Variants in GMDS observed in about 807,000 individuals in gnomAD.
GMDS encodes GDP-mannose 4,6-dehydratase.
A neutral mutation model predicts 49.9 loss-of-function variants in GMDS; 20 were observed. The ratio of observed to expected loss-of-function variants is 0.40; its 90% CI spans 0.28 to 0.58. The LOEUF (loss-of-function observed/expected upper bound fraction) is 0.58. Ranked by LOEUF, GMDS falls within the 20% of genes least tolerant of loss-of-function variation. GMDS has a pLI of 0.42. For synonymous variants in GMDS, 177 were observed against 178.6 expected (o/e 0.99, Z 0.07); for missense variants, 362 against 481.4 (o/e 0.75, Z 2.32).
At chr6:2,142,410 T>C (rs1406802147) in intron 1 of GMDS, among the ~76,000 whole-genome samples, 1 of 151,776 alleles carries the variant, frequency 6.6e-6, no homozygotes, top group African/African-American at 2.4e-5. Flanking sequence ...ATGAGTGGTG[T>C]CCTTATTTAA....
intron 4 of GMDS, among the ~76,000 whole-genome samples, chr6:2,083,768 A>G (rs1772850276): frequency 6.6e-6 from 1 of 152,182 alleles, no homozygotes; most frequent in African/African-American, 2.4e-5. Flanking sequence ...ATCATCAACT[A>G]ATCTGCAAAT....
At chr6:1,743,841 A>AC (rs56140356) in intron 7 of GMDS, among the ~76,000 whole-genome samples, 2 of 31,628 alleles carry the variant, frequency 6.3e-5, no homozygotes, top group African/African-American at 4.6e-4. Context: ...GAAGCAAAAC[A>AC]AAAAAAAATC....
intron 7 of GMDS, among the ~76,000 whole-genome samples, chr6:1,782,498 A>C (rs1769140206): frequency 6.6e-6 from 1 of 152,242 alleles, no homozygotes; most frequent in Non-Finnish European, 1.5e-5. Context: ...CTTTGTTAGG[A>C]CTAATAAAAA....
intron 4 of GMDS, among the ~76,000 whole-genome samples, chr6:2,064,117 A>G (rs1193676312): frequency 1.3e-5 from 2 of 152,216 alleles, no homozygotes; most frequent in Non-Finnish European, 2.9e-5. Flanking sequence ...AAGGCACCCA[A>G]TAAAACGGCT....
chr6:1,885,638 T>G (rs1238241513), intron 7 of GMDS, among the ~76,000 whole-genome samples: 1 of 152,180 alleles, frequency 6.6e-6, no homozygotes, highest in African/African-American at 2.4e-5. Flanking sequence ...GCCTAAGTAT[T>G]AGAGGGCAGA....
intron 7 of GMDS, among the ~76,000 whole-genome samples, chr6:1,865,716 G>GCTC (rs1758410767): frequency 6.6e-6 from 1 of 152,152 alleles, no homozygotes; most frequent in African/African-American, 2.4e-5. Flanking sequence ...TTGAACCTGG[G>GCTC]CTCCACCAGT....
intron 7 of GMDS, among the ~76,000 whole-genome samples, chr6:1,855,785 AC>A (rs1469148849): frequency 6.6e-6 from 1 of 152,224 alleles, no homozygotes; most frequent in African/African-American, 2.4e-5. Context: ...GGAAATGGAA[AC>A]ATTTGAAAAT....
intron 8 of GMDS, 75 bp from the exon 9 acceptor site, chr6:1,726,587 GC>G: frequency 1.9e-6 from 2 of 1,035,136 alleles, no homozygotes; most frequent in Non-Finnish European, 1.5e-6. Context: ...ACCTTGGGAT[GC>G]CCCAGCCCTC....
At chr6:1,761,660 CT>C (rs1368660951) in intron 7 of GMDS, among the ~76,000 whole-genome samples, 1 of 152,016 alleles carries the variant, frequency 6.6e-6, no homozygotes, top group East Asian at 1.9e-4. Context: ...ATTTTTTTTG[CT>C]TGTGTCAATG....
chr6:2,099,826 G>C (rs1773822990), intron 4 of GMDS, among the ~76,000 whole-genome samples: 1 of 151,896 alleles, frequency 6.6e-6, no homozygotes, highest in South Asian at 2.1e-4. Context: ...TCTGACAATT[G>C]TTTCTCCCAA....
At chr6:2,112,330 C>T (rs1348055657) in intron 4 of GMDS, among the ~76,000 whole-genome samples, 1 of 152,104 alleles carries the variant, frequency 6.6e-6, no homozygotes, top group African/African-American at 2.4e-5. Context: ...GATTATTTTA[C>T]ATCAAACTCA....
intron 1 of GMDS, among the ~76,000 whole-genome samples, chr6:2,229,938 C>T (rs546952504): frequency 7.2e-5 from 11 of 152,294 alleles, no homozygotes; most frequent in African/African-American, 2.6e-4. Flanking sequence ...AAGCAGCTTC[C>T]ACCTCCACAT....
In GMDS at chr6:1,828,265, A is replaced by C. The variant is rs568071778; in HGVS notation, c.772-85679T>G. Among the ~76,000 whole-genome samples the C allele has an allele frequency of 2.6e-5, 4 of 152,254 alleles. No individual in the cohort carries two copies. In the South Asian group the frequency reaches 8.3e-4, roughly 32 times the overall value. On this transcript the variant is annotated intron_variant, in intron 7 of 10. Transcript: ENST00000380815. ...ACAGAAAGAAGAATGAATGAAAATG[A>C]ATGAAAAAAAGTGAACAGCGCCTAA...
At chr6:2,127,573 G>C (rs980299387) in intron 1 of GMDS, among the ~76,000 whole-genome samples, 1 of 152,206 alleles carries the variant, frequency 6.6e-6, no homozygotes, top group Non-Finnish European at 1.5e-5. Context: ...AACCACACTG[G>C]AACATTCTGA....
intron 4 of GMDS, among the ~76,000 whole-genome samples, chr6:2,037,370 C>T (rs1205624879): frequency 6.6e-6 from 1 of 152,174 alleles, no homozygotes; most frequent in Non-Finnish European, 1.5e-5. Context: ...AAACCATTCC[C>T]ACTGAAGTAC....
chr6:2,076,844 C>T (rs935010223), intron 4 of GMDS, among the ~76,000 whole-genome samples: 8 of 152,032 alleles, frequency 5.3e-5, no homozygotes, highest in Admixed American at 1.3e-4. Context: ...TCAGGACATA[C>T]GCATGGGCAA....
intron 7 of GMDS, among the ~76,000 whole-genome samples, chr6:1,757,791 C>T (rs76407725): frequency 0.016 from 2,388 of 152,236 alleles, 25 homozygotes; most frequent in Non-Finnish European, 0.026. Flanking sequence ...AACAGCACTG[C>T]CCAATAGAAA....
intron 6 of GMDS, among the ~76,000 whole-genome samples, chr6:1,958,247 G>A (rs552204671): frequency 6.6e-6 from 1 of 151,856 alleles, no homozygotes; most frequent in South Asian, 2.1e-4. Flanking sequence ...TTGCAACCCA[G>A]GAATGTTTTT....
At chr6:1,948,730 A>G (rs902123321) in intron 6 of GMDS, among the ~76,000 whole-genome samples, 2 of 152,196 alleles carry the variant, frequency 1.3e-5, no homozygotes, top group African/African-American at 2.4e-5. Flanking sequence ...CTTGATATTT[A>G]TCCATAAGCC....
Sources: gnomAD v4.1 joint callset for allele counts (sites outside exome capture counted in the v4.1 genomes callset) on GRCh38, gnomAD v4.1.1 for gene constraint, MANE v1.5 for transcripts, NCBI Gene and HGNC (gene_info 2026-07-23, HGNC 2026-07-21) for gene names.